MRGPRX3: variants seen among roughly 807,000 people sequenced by gnomAD.
MRGPRX3 encodes the protein MAS related GPR family member X3, also known as mas-related G protein-coupled receptor member X3.
A neutral mutation model predicts 16.5 loss-of-function variants in MRGPRX3; 14 were observed. The ratio of observed to expected loss-of-function variants is 0.85; its 90% CI spans 0.56 to 1.33. The LOEUF (loss-of-function observed/expected upper bound fraction) is 1.33. Among genes scored for constraint, MRGPRX3 ranks in the 40% most tolerant of loss-of-function variants. MRGPRX3 has a pLI of 0.00. For missense variants in MRGPRX3, 449 were observed against 413.0 expected, an observed-to-expected ratio of 1.09 and a Z score of -0.76; for synonymous variants, 199 against 180.1, an observed-to-expected ratio of 1.10 and a Z score of -0.84.
intron 1 of MRGPRX3, among the ~76,000 whole-genome samples, chr11:18,125,417 T>C (rs1259019835): frequency 6.6e-6 from 1 of 152,214 alleles, no homozygotes; most frequent in Non-Finnish European, 1.5e-5. Context: ...TCAAAGAACA[T>C]ATTTATTTCT....
At chr11:18,128,300 A>T (rs1285930266), upstream of MRGPRX3, among the ~76,000 whole-genome samples, 2 of 152,178 alleles carry the variant, frequency 1.3e-5, no homozygotes, top group African/African-American at 4.8e-5. Context: ...TACTCTCTTC[A>T]AAGCTGTCAG....
At chr11:18,136,422 A>G (rs1213055864) in intron 1 of MRGPRX3, among the ~76,000 whole-genome samples, 1 of 152,198 alleles carries the variant, frequency 6.6e-6, no homozygotes, top group African/African-American at 2.4e-5. Context: ...GCACTCATCA[A>G]TCATTCTTCT....
chr11:18,134,409 T>C (rs1488283920), intron 1 of MRGPRX3, among the ~76,000 whole-genome samples: 4 of 152,234 alleles, frequency 2.6e-5, no homozygotes, highest in African/African-American at 9.6e-5. Context: ...TCATTATTTC[T>C]GAAAAACTAC....
intron 1 of MRGPRX3, among the ~76,000 whole-genome samples, chr11:18,134,438 A>G (rs1046824956): frequency 6.6e-6 from 1 of 152,224 alleles, no homozygotes; most frequent in African/African-American, 2.4e-5. Context: ...AAGAACTTAT[A>G]TAGCATTTGC....
rs1229494372 is a variant in MRGPRX3 at position 18,124,435 on chromosome 11, A to G, written c.-152+3271A>G. Among the ~76,000 whole-genome samples the G allele has an allele frequency of 3.3e-5, 5 of 152,268 alleles. No individual in the cohort carries two copies. The East Asian group carries it at 9.6e-4, about 29-fold the overall frequency. On this transcript the variant is annotated intron_variant, in intron 1 of 2. Transcript: ENST00000396275. ...TTTGTCAAAGGCCTTTTCTGCATCT[A>G]TTGAGATAATCATGTGGTTTTTGTC...
chr11:18,137,229 T>C lies in MRGPRX3; in HGVS notation c.27T>C (p.Gly9=). The change falls in exon 2 of 2, where the codon GGT becomes GGC. Residue 9 remains glycine (G), a synonymous_variant. Coordinates refer to ENST00000621697, the MANE Select transcript of MRGPRX3 (RefSeq NM_001370464.1). Reference sequence around the variant, plus strand: ...TGGATTCAACCATCCCAGTCTTGGGTACAGAACTGACACCAATCAACGGAC... The same window carrying C: ...TGGATTCAACCATCCCAGTCTTGGGCACAGAACTGACACCAATCAACGGAC... MDSTIPVL[G]TELTPINGRE... The C allele has an allele frequency of 6.2e-7, 1 of 1,608,754 alleles. No individual in the cohort carries two copies. Among genetic ancestry groups the C allele is most frequent in the Non-Finnish European group, 8.5e-7 (1 of 1,176,810 alleles).
Position 18,137,928 on chromosome 11 carries a change from C to T in MRGPRX3, c.726C>T (p.Ile242=), listed in dbSNP as rs2134087002. 1 of 1,614,132 alleles carries T rather than the reference C, an allele frequency of 6.2e-7. No homozygotes were observed. The highest frequency in any genetic ancestry group is 1.1e-5 in the South Asian group (1 of 91,072). Residue 242 remains isoleucine, a synonymous_variant, in exon 2 of 2, where the codon ATC becomes ATT. Transcript: ENST00000621697. The part of the protein sequence containing the change: ...FGIQWALFSR[I]HLDWKVLFCH... ...TTCAGTGGGCCCTGTTTTCCAGGAT[C>T]CACCTGGATTGGAAAGTCTTATTTT... is the stretch of plus-strand genomic sequence containing the variant.
chr11:18,130,149 A>G (rs1848946693), upstream of MRGPRX3, among the ~76,000 whole-genome samples: 1 of 152,198 alleles, frequency 6.6e-6, no homozygotes, highest in African/African-American at 2.4e-5. Context: ...CACCACTTCT[A>G]TTCAACATAG....
intron 1 of MRGPRX3, among the ~76,000 whole-genome samples, chr11:18,124,595 T>C (rs1408819891): frequency 6.6e-6 from 1 of 152,182 alleles, no homozygotes; most frequent in African/African-American, 2.4e-5. Context: ...TTTGCCAGTA[T>C]TTTATTGAGG....
Position 18,137,585 on chromosome 11 carries a change from T to A in MRGPRX3, c.383T>A (p.Ile128Asn). The A allele has an allele frequency of 1.2e-6, 2 of 1,614,136 alleles. No homozygotes were observed. The highest frequency in any genetic ancestry group is 1.3e-5 in the African/African-American group (1 of 75,028). Residue 128 changes from isoleucine to asparagine, a missense_variant, in exon 2 of 2, where the codon ATC (isoleucine) becomes AAC (asparagine). Coordinates refer to ENST00000621697, the MANE Select transcript of MRGPRX3 (RefSeq NM_001370464.1). ...CGCTGCCTGTCCATCCTGTGGCCCA[T>A]CTGGTACCACTGCCGCCGCCCCAGA... ...TERCLSILWP[I>N]WYHCRRPRYL...
intron 1 of MRGPRX3, among the ~76,000 whole-genome samples, chr11:18,124,008 A>G (rs1287828222): frequency 6.6e-6 from 1 of 152,182 alleles, no homozygotes; most frequent in African/African-American, 2.4e-5. Flanking sequence ...TTGGTGTACA[A>G]GAATGCTCTT....
At chr11:18,122,433 T>C (rs1848849510) in intron 1 of MRGPRX3, among the ~76,000 whole-genome samples, 1 of 152,170 alleles carries the variant, frequency 6.6e-6, no homozygotes, top group Non-Finnish European at 1.5e-5. Context: ...TGAGAATATG[T>C]GGTGTTTGGT....
Position 18,137,297 on chromosome 11 carries a change from G to A in MRGPRX3, c.95G>A (p.Gly32Glu). Residue 32 changes from glycine to glutamate, a missense_variant, in exon 2 of 2, where the codon GGG becomes GAG. Physicochemically the swap from Gly to Glu is moderately conservative, Grantham distance 98. Transcript: ENST00000621697. ...PCYKQTLSFT[G>E]LTCIVSLVAL... ...TACAAGCAGACCCTGAGCTTCACGG[G>A]GCTGACGTGCATCGTTTCCCTTGTC... 1 of 1,614,134 alleles carries A rather than the reference G, an allele frequency of 6.2e-7. No homozygotes were observed. Among genetic ancestry groups the A allele is most frequent in the Non-Finnish European group, 8.5e-7 (1 of 1,180,028 alleles).
At chr11:18,126,618 A>G (rs940269155) in intron 1 of MRGPRX3, among the ~76,000 whole-genome samples, 3 of 151,940 alleles carry the variant, frequency 2.0e-5, no homozygotes, top group Non-Finnish European at 4.4e-5. Context: ...CATTAGGTAT[A>G]TCTCCTAATG....
chr11:18,133,691 G>A (rs1197655039), intron 1 of MRGPRX3, among the ~76,000 whole-genome samples: 1 of 152,144 alleles, frequency 6.6e-6, no homozygotes, highest in Non-Finnish European at 1.5e-5. Context: ...AGAAGCAGAA[G>A]CTGCTATGCT....
At chr11:18,121,502 C>G (rs1475691373) in intron 1 of MRGPRX3, among the ~76,000 whole-genome samples, 10 of 152,214 alleles carry the variant, frequency 6.6e-5, no homozygotes, top group African/African-American at 2.2e-4. Flanking sequence ...GGAGGTGTGC[C>G]CAACAGCTCA....
rs568721267 is a variant in MRGPRX3 at position 18,134,498 on chromosome 11, G to A, written c.-26+1759G>A. Among the ~76,000 whole-genome samples, 4 of 152,336 alleles carry A rather than the reference G, an allele frequency of 2.6e-5. No homozygotes were observed. In the South Asian group the frequency reaches 8.3e-4, roughly 32 times the overall value. On this transcript the variant is annotated intron_variant, in intron 1 of 1. Transcript: ENST00000621697. ...TTTAAATGATTTAATGTATCTGGGA[G>A]AAAGTGCATAGAGTATATACAAATA...
chr11:18,136,319 C>A (rs556642117), intron 1 of MRGPRX3, among the ~76,000 whole-genome samples: 18 of 152,326 alleles, frequency 1.2e-4, no homozygotes, highest in African/African-American at 4.1e-4. Context: ...ACACCCTACC[C>A]AAACACTGTG....
At chr11:18,130,399 A>C (rs1448869470), upstream of MRGPRX3, among the ~76,000 whole-genome samples, 1 of 152,130 alleles carries the variant, frequency 6.6e-6, no homozygotes, top group Non-Finnish European at 1.5e-5. Flanking sequence ...CCAAGCTGAG[A>C]ATCAAATCAA....
Sources: allele counts gnomAD v4.1 joint callset (sites outside exome capture counted in the v4.1 genomes callset), GRCh38; gene constraint gnomAD v4.1.1; transcripts MANE v1.5; gene names NCBI Gene and HGNC (gene_info 2026-07-23, HGNC 2026-07-21).